The following FGF22 variants were observed in gnomAD, a reference collection of about 807,000 sequenced individuals.
FGF22 encodes the protein fibroblast growth factor 22, also known as FGF-22.
In FGF22, 11 loss-of-function variants were observed where a neutral mutation model predicts 10.3. The ratio of observed to expected loss-of-function variants is 1.07; its 90% CI spans 0.67 to 1.77. The LOEUF is 1.77. Ranked by LOEUF, FGF22 falls within the 40% of genes most tolerant of loss-of-function variation. The pLI is 0.00. For missense variants in FGF22, 317 were observed against 273.2 expected (o/e 1.16, Z -1.13); for synonymous variants, 136 against 122.1 (o/e 1.11, Z -0.75).
intron 1 of FGF22, chr19:641,429 G>C (rs1005317573): frequency 1.4e-5 from 5 of 361,486 alleles, no homozygotes; most frequent in African/African-American, 1.1e-4. Context: ...ACAAAAATTA[G>C]CCGGGTGTGG....
At chr19:641,005 G>A (rs1435874837) in intron 1 of FGF22, 4 of 361,018 alleles carry the variant, frequency 1.1e-5, no homozygotes, top group East Asian at 7.4e-5. Flanking sequence ...GGGTGGCCTC[G>A]GGCCGGGGCA....
At chr19:639,989 G>A in exon 1 of FGF22, 1 of 1,280,390 alleles carries the variant, frequency 7.8e-7, no homozygotes, top group Non-Finnish European at 9.8e-7. Context: ...GGACGCCGCG[G>A]GAACCCCGAG....
chr19:643,232 C>G lies in FGF22; in HGVS notation c.215-3C>G, dbSNP rs1368545036. ...GGCCCTCCCCGACCCCCGCCTCCCC[C>G]AGGCATCCTGGAGATCCGCTCTGTA... On this transcript the variant is annotated splice_polypyrimidine_tract_variant and splice_region_variant and intron_variant, in intron 1 of 2. Transcript: ENST00000215530. 6.3e-7 allele frequency: 1 copy of G among 1,597,022 alleles called. No individual in the cohort carries two copies. Among genetic ancestry groups the G allele is most frequent in the East Asian group, 2.3e-5 (1 of 44,030 alleles).
intron 1 of FGF22, chr19:641,593 A>C (rs1312921351): frequency 4.5e-6 from 1 of 223,516 alleles, no homozygotes; most frequent in Admixed American, 5.3e-5. Flanking sequence ...AAAAAAAAAA[A>C]GAACAGTGAA....
At chr19:643,733 C>A in exon 3 of FGF22, 1 of 816,154 alleles carries the variant, frequency 1.2e-6, no homozygotes, top group Non-Finnish European at 1.9e-6. Context: ...GTGGACACAG[C>A]CCAGGAGCCC....
chr19:643,795 C>T, exon 3 of FGF22: 1 of 593,134 alleles, frequency 1.7e-6, no homozygotes, highest in Non-Finnish European at 3.0e-6. Flanking sequence ...AGGTTCAATC[C>T]TGAGTTGGGG....
chr19:643,053 C>T (rs1412630623), intron 1 of FGF22, among the ~76,000 whole-genome samples, 182 bp from the exon 2 acceptor site: 1 of 10,364 alleles, frequency 9.6e-5, no homozygotes, highest in African/African-American at 2.4e-4. Flanking sequence ...CTGGGGGGGG[C>T]TCCTGGTGTC....
chr19:643,709 C>T (rs1214188640), exon 3 of FGF22: 21 of 975,026 alleles, frequency 2.2e-5, no homozygotes, highest in African/African-American at 3.3e-5. Context: ...GAGTGCCCAC[C>T]GTGTGCGGGC....
rs527523793 is a variant in FGF22 at position 640,169 on chromosome 19, G to C, written c.214+30G>C. 3 of 1,258,718 alleles carry C rather than the reference G, an allele frequency of 2.4e-6. No homozygotes were observed. The African/African-American group carries it at 4.7e-5, about 20-fold the overall frequency. The allele number at this position is 1,258,718 out of a possible 1,614,324, so 78.0% of individuals were successfully genotyped here. On this transcript the variant is annotated intron_variant, in intron 1 of 2. Transcript: ENST00000215530. ...GTGCGGGGCGGCGGGGGCCTGGGGT[G>C]GGGAGGCGGCGGGTGACGGCAACGC...
At chr19:640,800 G>A (rs533417974) in intron 1 of FGF22, 5 of 218,610 alleles carry the variant, frequency 2.3e-5, no homozygotes, top group African/African-American at 2.3e-5. Context: ...CGGTGTCCCC[G>A]CCGGGCGGGG....
chr19:641,253 G>C (rs903676243), intron 1 of FGF22: 1 of 456,038 alleles, frequency 2.2e-6, no homozygotes, highest in Non-Finnish European at 4.4e-6. Context: ...AGTTAGACAC[G>C]TGAACAAGGG....
At chr19:639,968 G>T (rs770319170) in exon 1 of FGF22, 3 of 1,257,168 alleles carry the variant, frequency 2.4e-6, no homozygotes, top group South Asian at 6.0e-5. Flanking sequence ...GCTGCTGCTG[G>T]CGCGGGCGCC....
chr19:643,239 C>T (rs140772499), exon 2 of FGF22: 76 of 1,608,772 alleles, frequency 4.7e-5, no homozygotes, highest in Middle Eastern at 1.7e-4. Context: ...CCCCAGGCAT[C>T]CTGGAGATCC....
In FGF22 at chr19:643,799, G is replaced by A. The variant is rs1411900604; in HGVS notation, c.*195G>A. On this transcript the variant is annotated 3_prime_UTR_variant, in exon 3 of 3. Transcript: ENST00000215530. Reference sequence around the variant, plus strand: ...GGCCACCAAGCAGGTTCAATCCTGAGTTGGGGACCTCGAGGACCCAACAGG... The same window carrying A: ...GGCCACCAAGCAGGTTCAATCCTGAATTGGGGACCTCGAGGACCCAACAGG... The A allele has an allele frequency of 5.1e-6, 3 of 586,684 alleles. No homozygotes were observed. The Admixed American group carries it at 9.3e-5, about 18-fold the overall frequency. The allele number at this position is 586,684 out of a possible 1,614,324, so 36.3% of individuals were successfully genotyped here. A position where few individuals can be genotyped will look rare whatever the true frequency, so the allele number is the denominator to read the frequency against.
intron 1 of FGF22, chr19:641,296 G>T: frequency 2.2e-6 from 1 of 454,386 alleles, no homozygotes; most frequent in South Asian, 1.6e-5. Context: ...TGAACGGTTG[G>T]CCGGGTGCAG....
At chr19:643,533 G>T (rs1199104315) in exon 3 of FGF22, 1 of 1,604,280 alleles carries the variant, frequency 6.2e-7, no homozygotes, top group East Asian at 2.2e-5. Context: ...CAGGAGGGGG[G>T]GGCCCCGGCC....
rs1600613435 is a variant in FGF22 at position 640,254 on chromosome 19, G to T, written c.214+115G>T. On this transcript the variant is annotated intron_variant, in intron 1 of 2. Coordinates refer to ENST00000215530, the Ensembl canonical transcript of FGF22. ...GGAGTCCCGGAGGCTCCTCTGTGCA[G>T]CCTCGGCCTCAGTTTCCGTGGTCTG... 14 of 640,746 alleles carry T rather than the reference G, an allele frequency of 2.2e-5. No individual in the cohort carries two copies. The East Asian group carries it at 5.0e-4, about 23-fold the overall frequency. The allele number at this position is 640,746 out of a possible 1,614,324, so 39.7% of individuals were successfully genotyped here.
chr19:642,830 G>A (rs913575011), intron 1 of FGF22, among the ~76,000 whole-genome samples: 3 of 132,424 alleles, frequency 2.3e-5, no homozygotes, highest in Non-Finnish European at 4.8e-5. Flanking sequence ...AACCTTCCTC[G>A]TGGTGTTGCT....
At chr19:641,317 C>G (rs1327887355) in intron 1 of FGF22, 7 of 452,542 alleles carry the variant, frequency 1.5e-5, no homozygotes, top group African/African-American at 1.2e-4. Context: ...TGGCTCACGT[C>G]GGTAATCCCA....
Sources: gnomAD v4.1 joint callset for allele counts (sites outside exome capture counted in the v4.1 genomes callset) on GRCh38, gnomAD v4.1.1 for gene constraint, MANE v1.5 for transcripts, NCBI Gene and HGNC (gene_info 2026-07-23, HGNC 2026-07-21) for gene names.